Variants in PARD3B observed in about 807,000 individuals in gnomAD.
PARD3B encodes the protein par-3 family cell polarity regulator beta.
In PARD3B, 103 loss-of-function variants were observed where a neutral mutation model predicts 130.2. That is an observed-to-expected ratio of 0.79 (90% CI 0.67 to 0.93). The LOEUF (loss-of-function observed/expected upper bound fraction) is 0.93, where lower values mean the gene tolerates loss of function less well. Ranked by LOEUF, PARD3B falls within the 40% of genes least tolerant of loss-of-function variation. The pLI is 0.00. For missense variants in PARD3B, 1,609 were observed against 1,499.2 expected (o/e 1.07, Z -1.21); for synonymous variants, 583 against 553.2 (o/e 1.05, Z -0.76).
In PARD3B at chr2:205,269,087, G is replaced by C. The variant is rs2040621547; in HGVS notation, c.2185+23265G>C. 6.6e-6 allele frequency among the ~76,000 whole-genome samples: 1 copy of C among 152,136 alleles called. No individual in the cohort carries two copies. The highest frequency in any genetic ancestry group is 2.1e-4 in the South Asian group (1 of 4,828). ...GGCAAATAGTAGGGAACAGAGTCTA[G>C]ATTTGAACCTAGGTCACTTTAGACT... On this transcript the variant is annotated intron_variant, in intron 16 of 22. Coordinates refer to ENST00000406610, the MANE Select transcript of PARD3B (RefSeq NM_001302769.2). This position sits in a 1 kb window ranked among gnomAD's most constrained non-coding sequence, Gnocchi z 4.7.
chr2:204,808,074 C>A (rs1050502303), intron 2 of PARD3B, among the ~76,000 whole-genome samples: 48 of 151,010 alleles, frequency 3.2e-4, no homozygotes, highest in African/African-American at 1.2e-3. Context: ...GCTCATGTAC[C>A]CTATAAATAT....
intron 11 of PARD3B, among the ~76,000 whole-genome samples, chr2:205,167,683 G>A (rs528231917): frequency 2.0e-5 from 3 of 152,312 alleles, no homozygotes; most frequent in East Asian, 1.9e-4. Context: ...TTAATATAGT[G>A]CCTTTAATAA....
intron 2 of PARD3B, among the ~76,000 whole-genome samples, chr2:204,775,097 C>T (rs563192065): frequency 6.6e-6 from 1 of 152,228 alleles, no homozygotes; most frequent in Non-Finnish European, 1.5e-5. Context: ...CTGAGGTTCT[C>T]AAATCTTCCT....
chr2:204,698,186 C>T (rs1413913483), intron 2 of PARD3B, among the ~76,000 whole-genome samples: 1 of 152,058 alleles, frequency 6.6e-6, no homozygotes, highest in Non-Finnish European at 1.5e-5. Flanking sequence ...TCACAGATTA[C>T]GGATTGTCGT....
At chr2:205,367,975 T>G (rs1350956688) in intron 18 of PARD3B, among the ~76,000 whole-genome samples, 1 of 152,238 alleles carries the variant, frequency 6.6e-6, no homozygotes, top group African/African-American at 2.4e-5. Context: ...GGATGGTCAC[T>G]CACTGTGGTA....
At chr2:205,097,945 G>A (rs577305647) in intron 4 of PARD3B, among the ~76,000 whole-genome samples, 1 of 151,922 alleles carries the variant, frequency 6.6e-6, no homozygotes, top group African/African-American at 2.4e-5. Context: ...CAATGGCAAG[G>A]CATTTCCAAA....
At chr2:205,233,778 A>C (rs2038946886) in intron 15 of PARD3B, among the ~76,000 whole-genome samples, 1 of 152,218 alleles carries the variant, frequency 6.6e-6, no homozygotes, top group South Asian at 2.1e-4. Context: ...TCTAACACAA[A>C]GCCTATTTTA....
intron 2 of PARD3B, among the ~76,000 whole-genome samples, chr2:204,880,553 G>C (rs2046003765): frequency 6.6e-6 from 1 of 150,680 alleles, no homozygotes; most frequent in East Asian, 2.0e-4. Flanking sequence ...TCACCTACTT[G>C]GAAGGCTGAG....
chr2:205,200,416 A>T (rs552541850), intron 15 of PARD3B, among the ~76,000 whole-genome samples: 1 of 152,342 alleles, frequency 6.6e-6, no homozygotes, highest in South Asian at 2.1e-4. Flanking sequence ...TCTTTACAAA[A>T]CAGGATTTTT....
intron 4 of PARD3B, among the ~76,000 whole-genome samples, chr2:205,096,801 C>A (rs973298942): frequency 3.3e-5 from 5 of 152,016 alleles, no homozygotes; most frequent in African/African-American, 1.2e-4. Flanking sequence ...ATGATCTAAT[C>A]GTATTCCAAA....
intron 2 of PARD3B, among the ~76,000 whole-genome samples, chr2:204,900,333 A>C (rs1294945949): frequency 6.6e-6 from 1 of 151,722 alleles, no homozygotes. Context: ...CTGACTGTGT[A>C]TTTTCAAATA....
rs1359556141 is a variant in PARD3B, at chr2:205,269,096, C to T, written c.2185+23274C>T. 1.3e-5 allele frequency among the ~76,000 whole-genome samples: 2 copies of T among 152,036 alleles called. No individual in the cohort carries two copies. The highest frequency in any genetic ancestry group is 2.9e-5 in the Non-Finnish European group (2 of 67,976). On this transcript the variant is annotated intron_variant, in intron 16 of 22. Transcript: ENST00000406610. This position sits in a 1 kb window ranked among gnomAD's most constrained non-coding sequence, Gnocchi z 4.7. ...TAGGGAACAGAGTCTAGATTTGAACCTAGGTCACTTTAGACTTGTTTAAAT... is the reference window on the plus strand; with the variant it reads ...TAGGGAACAGAGTCTAGATTTGAACTTAGGTCACTTTAGACTTGTTTAAAT...
chr2:205,502,877 C>A (rs1438098609), intron 21 of PARD3B, among the ~76,000 whole-genome samples: 1 of 152,022 alleles, frequency 6.6e-6, no homozygotes, highest in Non-Finnish European at 1.5e-5. Flanking sequence ...CTCAGACCAA[C>A]TTGTATGTAG....
chr2:205,171,818 C>T (rs1288005887), intron 11 of PARD3B, among the ~76,000 whole-genome samples: 1 of 152,202 alleles, frequency 6.6e-6, no homozygotes, highest in Non-Finnish European at 1.5e-5. Flanking sequence ...GGCAAATTCT[C>T]CTTTCAAGAG....
At chr2:204,759,161 C>G (rs2040798355) in intron 2 of PARD3B, among the ~76,000 whole-genome samples, 1 of 152,110 alleles carries the variant, frequency 6.6e-6, no homozygotes. Context: ...CAAATGAGTT[C>G]TATAATTCAA....
At position 205,098,442 on chromosome 2, in the gene PARD3B, T is replaced by A. The variant is rs570144365; in HGVS notation, c.505-5984T>A. 2.0e-5 allele frequency among the ~76,000 whole-genome samples: 3 copies of A among 152,274 alleles called. No individual in the cohort carries two copies. In the East Asian group the frequency reaches 5.8e-4, roughly 29 times the overall value. On this transcript the variant is annotated intron_variant, in intron 4 of 22. Transcript: ENST00000406610. Reference sequence around the variant, plus strand: ...TGATAGACAGGACCGCTATTTCAGTTCTCATCTGAGAGATGAAAAACCGAG... The same window carrying A: ...TGATAGACAGGACCGCTATTTCAGTACTCATCTGAGAGATGAAAAACCGAG...
intron 12 of PARD3B, among the ~76,000 whole-genome samples, chr2:205,174,124 T>G (rs1201111558): frequency 6.6e-6 from 1 of 152,184 alleles, no homozygotes; most frequent in African/African-American, 2.4e-5. Context: ...GCTCATCGAG[T>G]TGGCACACTT....
intron 2 of PARD3B, among the ~76,000 whole-genome samples, chr2:204,957,607 T>C (rs1299634034): frequency 6.6e-6 from 1 of 152,182 alleles, no homozygotes; most frequent in Non-Finnish European, 1.5e-5. Context: ...CCTGCTAATT[T>C]TTAAAATCCG....
chr2:205,520,501 A>G (rs1323343525), intron 21 of PARD3B, among the ~76,000 whole-genome samples: 2 of 152,094 alleles, frequency 1.3e-5, no homozygotes, highest in Admixed American at 1.3e-4. Context: ...TACTGGCTCA[A>G]TAGCTCGGGC....
Sources: allele counts gnomAD v4.1 joint callset (sites outside exome capture counted in the v4.1 genomes callset), GRCh38; gene constraint gnomAD v4.1.1; non-coding constraint Gnocchi (gnomAD v3.1); transcripts MANE v1.5; gene names NCBI Gene and HGNC (gene_info 2026-07-23, HGNC 2026-07-21).